Variants in CNTN5 observed in about 807,000 individuals in gnomAD.
CNTN5 encodes contactin 5.
In CNTN5, 77 loss-of-function variants were observed where a neutral mutation model predicts 129.1. That is an observed-to-expected ratio of 0.60 (90% confidence interval 0.50 to 0.72). The LOEUF is 0.72. Among genes scored for constraint, CNTN5 ranks in the 30% least tolerant of loss-of-function variants. The probability of loss-of-function intolerance (pLI) is 0.00; values close to 1 mark genes in which losing one functional copy is unlikely to be tolerated. For missense variants in CNTN5, 1,478 were observed against 1,328.8 expected (o/e 1.11, Z -1.75); for synonymous variants, 509 against 465.6 (o/e 1.09, Z -1.20).
At chr11:100,109,223 C>T (rs1317448367) in intron 13 of CNTN5, among the ~76,000 whole-genome samples, 2 of 152,128 alleles carry the variant, frequency 1.3e-5, no homozygotes, top group Admixed American at 6.5e-5. Flanking sequence ...GTCAGGCATT[C>T]GAGACCAGCC....
intron 2 of CNTN5, among the ~76,000 whole-genome samples, chr11:99,508,104 T>C (rs182173287): frequency 1.3e-5 from 2 of 152,338 alleles, no homozygotes; most frequent in East Asian, 3.9e-4. Context: ...GACAGAGTTA[T>C]GTTTGGTGAT....
chr11:99,723,987 A>G (rs547581086), intron 3 of CNTN5, among the ~76,000 whole-genome samples: 1 of 152,266 alleles, frequency 6.6e-6, no homozygotes, highest in East Asian at 1.9e-4. Context: ...TAAACTATTC[A>G]TTCTACTAGT....
intron 18 of CNTN5, among the ~76,000 whole-genome samples, chr11:100,286,793 T>G (rs867041009): frequency 4.1e-5 from 6 of 147,086 alleles, no homozygotes; most frequent in African/African-American, 1.0e-4. Context: ...AGGCTTCAGA[T>G]GATCAAATTA....
chr11:100,140,133 G>C (rs369056106), intron 13 of CNTN5, among the ~76,000 whole-genome samples: 1 of 152,154 alleles, frequency 6.6e-6, no homozygotes. Flanking sequence ...AAAGAAGTTG[G>C]TGTGAAATAA....
chr11:99,491,083 C>T (rs962099462), intron 2 of CNTN5, among the ~76,000 whole-genome samples: 2 of 152,152 alleles, frequency 1.3e-5, no homozygotes, highest in African/African-American at 2.4e-5. Flanking sequence ...GGCTTCCATA[C>T]TGTAATCTGG....
At chr11:99,188,104 G>T (rs1244935302) in intron 1 of CNTN5, among the ~76,000 whole-genome samples, 2 of 151,388 alleles carry the variant, frequency 1.3e-5, no homozygotes, top group African/African-American at 2.4e-5. Context: ...CTTTATTTTT[G>T]TATTAAAAAT....
intron 4 of CNTN5, among the ~76,000 whole-genome samples, chr11:99,822,922 C>T (rs542609486): frequency 2.1e-4 from 32 of 152,324 alleles, no homozygotes; most frequent in Non-Finnish European, 4.0e-4. Context: ...TTCTGGCTTG[C>T]TCATATTAAT....
intron 1 of CNTN5, among the ~76,000 whole-genome samples, chr11:99,307,530 T>C (rs571459295): frequency 6.6e-6 from 1 of 152,312 alleles, no homozygotes; most frequent in Non-Finnish European, 1.5e-5. Flanking sequence ...TTCTGTCGTT[T>C]ATCACAGATT....
intron 3 of CNTN5, among the ~76,000 whole-genome samples, chr11:99,635,813 G>A (rs1951529377): frequency 6.6e-6 from 1 of 151,844 alleles, no homozygotes; most frequent in Non-Finnish European, 1.5e-5. Flanking sequence ...TGGCATTTGG[G>A]GGTTCACAGC....
chr11:99,321,150 C>T (rs1369538496), intron 1 of CNTN5, among the ~76,000 whole-genome samples: 3 of 151,808 alleles, frequency 2.0e-5, no homozygotes, highest in Non-Finnish European at 4.4e-5. Context: ...TTGCCAATTG[C>T]ACATCTTGGG....
chr11:99,924,723 TA>T (rs1211566400), intron 7 of CNTN5, among the ~76,000 whole-genome samples: 7 of 152,170 alleles, frequency 4.6e-5, no homozygotes, highest in Admixed American at 3.9e-4. Flanking sequence ...AATATGTTTT[TA>T]AATTGTAATT....
intron 2 of CNTN5, among the ~76,000 whole-genome samples, chr11:99,527,869 C>A (rs1334932764): frequency 1.3e-5 from 2 of 152,128 alleles, no homozygotes; most frequent in African/African-American, 2.4e-5. Flanking sequence ...AGACAGAGAT[C>A]AAGCAGATGC....
chr11:100,110,817 T>C (rs1945632774), intron 13 of CNTN5, among the ~76,000 whole-genome samples: 1 of 152,160 alleles, frequency 6.6e-6, no homozygotes, highest in Non-Finnish European at 1.5e-5. Context: ...AAATGTGGGA[T>C]TGATGTCACT....
intron 13 of CNTN5, among the ~76,000 whole-genome samples, chr11:100,159,981 A>G (rs1233376332): frequency 1.3e-5 from 2 of 151,866 alleles, no homozygotes; most frequent in Admixed American, 6.6e-5. Flanking sequence ...CAGAACGTGC[A>G]GGTTTGTTAC....
intron 3 of CNTN5, among the ~76,000 whole-genome samples, chr11:99,678,395 T>C (rs1157940800): frequency 6.6e-6 from 1 of 152,100 alleles, no homozygotes; most frequent in Admixed American, 6.6e-5. Flanking sequence ...GCAACATATG[T>C]TTAAAAAATA....
chr11:99,950,203 G>T (rs955944859), intron 7 of CNTN5, among the ~76,000 whole-genome samples: 2 of 152,146 alleles, frequency 1.3e-5, no homozygotes, highest in African/African-American at 4.8e-5. Flanking sequence ...CTGAGGCTGG[G>T]CACAGTGGCT....
intron 3 of CNTN5, among the ~76,000 whole-genome samples, chr11:99,662,967 A>G (rs954844936): frequency 6.6e-6 from 1 of 152,208 alleles, no homozygotes; most frequent in African/African-American, 2.4e-5. Flanking sequence ...TGAATATACA[A>G]TAGAACATTT....
intron 3 of CNTN5, among the ~76,000 whole-genome samples, chr11:99,698,326 G>A (rs187319267): frequency 1.1e-4 from 17 of 151,444 alleles, no homozygotes; most frequent in South Asian, 4.2e-4. Flanking sequence ...GTCTAGAGAA[G>A]AGAAGAAAGC....
intron 3 of CNTN5, among the ~76,000 whole-genome samples, chr11:99,572,990 G>A (rs1949224620): frequency 6.6e-6 from 1 of 151,936 alleles, no homozygotes; most frequent in Non-Finnish European, 1.5e-5. Flanking sequence ...CTAAAAAGAA[G>A]GGGACTATTT....
Sources: allele counts gnomAD v4.1 joint callset (sites outside exome capture counted in the v4.1 genomes callset), GRCh38; gene constraint gnomAD v4.1.1; transcripts MANE v1.5; gene names NCBI Gene and HGNC (gene_info 2026-07-23, HGNC 2026-07-21).